The following LTBP1 variants were observed in gnomAD, a reference collection of about 807,000 sequenced individuals.
LTBP1 encodes the protein latent-transforming growth factor beta-binding protein 1.
Under a neutral mutation model 207.6 loss-of-function variants are expected in LTBP1, and 129 were observed. The ratio of observed to expected loss-of-function variants is 0.62; its 90% CI spans 0.54 to 0.72. The LOEUF is 0.72. Among genes scored for constraint, LTBP1 ranks in the 30% least tolerant of loss-of-function variants. The pLI is 0.00. For missense variants in LTBP1, 2,281 were observed against 2,217.2 expected (o/e 1.03, Z -0.58); for synonymous variants, 963 against 833.7 (o/e 1.16, Z -2.67).
intron 2 of LTBP1, among the ~76,000 whole-genome samples, chr2:32,965,474 C>T (rs1341906536): frequency 6.6e-6 from 1 of 152,158 alleles, no homozygotes; most frequent in Admixed American, 6.5e-5. Flanking sequence ...TGTGCCCTGC[C>T]TACTCATCCC....
chr2:33,003,001 C>T (rs963068020), intron 2 of LTBP1, among the ~76,000 whole-genome samples: 25 of 152,236 alleles, frequency 1.6e-4, no homozygotes, highest in Admixed American at 1.1e-3. Context: ...TTGGAAACAT[C>T]GCATTCGATT....
chr2:33,142,080 C>G (rs898838792), intron 5 of LTBP1, among the ~76,000 whole-genome samples: 2 of 152,166 alleles, frequency 1.3e-5, no homozygotes, highest in African/African-American at 4.8e-5. Context: ...TAGACGGAGT[C>G]TAACTCTGTC....
rs938643878 is a variant in LTBP1 at position 33,379,920 on chromosome 2, G to A, written c.4712-9264G>A. 3.9e-5 allele frequency among the ~76,000 whole-genome samples: 6 copies of A among 152,130 alleles called. No individual in the cohort carries two copies. The East Asian group carries it at 7.7e-4, about 20-fold the overall frequency. On this transcript the variant is annotated intron_variant, in intron 31 of 33. Transcript: ENST00000404816. ...TAAGAGAGTTTTAAATATTAGAAGA[G>A]CTTTCTCTGCTATGAAGCTTTAAAA...
chr2:33,074,409 A>T (rs1172730229), intron 3 of LTBP1, among the ~76,000 whole-genome samples: 3 of 133,108 alleles, frequency 2.3e-5, no homozygotes, highest in Admixed American at 1.6e-4. Context: ...TAGGGTAGAG[A>T]TACTGAAAGA....
intron 32 of LTBP1, 28 bp from the exon 33 acceptor site, chr2:33,397,105 A>C (rs752398565): frequency 6.2e-7 from 1 of 1,606,726 alleles, no homozygotes; most frequent in African/African-American, 1.3e-5. Flanking sequence ...GAGAAGCTCT[A>C]ACTTAGCTTC....
At chr2:33,090,288 T>C (rs774142928) in intron 3 of LTBP1, among the ~76,000 whole-genome samples, 1 of 152,244 alleles carries the variant, frequency 6.6e-6, no homozygotes, top group Non-Finnish European at 1.5e-5. Flanking sequence ...TTGGCCCTTT[T>C]TCCTGGACAT....
At chr2:33,389,121 G>T in intron 31 of LTBP1, 63 bp from the exon 32 acceptor site, 1 of 1,608,144 alleles carries the variant, frequency 6.2e-7, no homozygotes, top group South Asian at 1.1e-5. Flanking sequence ...TCTGAGCTGC[G>T]AGGGGGTGGG....
intron 2 of LTBP1, among the ~76,000 whole-genome samples, chr2:32,993,026 A>G (rs1684661166): frequency 1.3e-5 from 2 of 152,090 alleles, no homozygotes; most frequent in Admixed American, 1.3e-4. Flanking sequence ...TGAGTTTGGT[A>G]TCGGGTGCGT....
At chr2:33,331,871 TG>T (rs1343665739) in intron 24 of LTBP1, among the ~76,000 whole-genome samples, 1 of 152,132 alleles carries the variant, frequency 6.6e-6, no homozygotes, top group Non-Finnish European at 1.5e-5. Context: ...TTGAGAGTTT[TG>T]GGTTTTATTT....
At chr2:32,973,571 C>A (rs992721776) in intron 2 of LTBP1, among the ~76,000 whole-genome samples, 1 of 152,048 alleles carries the variant, frequency 6.6e-6, no homozygotes, top group African/African-American at 2.4e-5. Context: ...CTACAAGGAC[C>A]CCCTTATCTG....
chr2:32,959,056 C>G (rs1416118691), intron 2 of LTBP1, among the ~76,000 whole-genome samples: 1 of 152,174 alleles, frequency 6.6e-6, no homozygotes, highest in Non-Finnish European at 1.5e-5. Context: ...CTTTTTTACT[C>G]CACCACATTT....
chr2:33,123,756 C>T (rs183035308), intron 4 of LTBP1, among the ~76,000 whole-genome samples: 11 of 152,272 alleles, frequency 7.2e-5, no homozygotes, highest in African/African-American at 1.7e-4. Flanking sequence ...CCTCCTCCTC[C>T]TCATCTATTT....
At chr2:33,060,524 G>GTGTA (rs1403698543) in intron 3 of LTBP1, among the ~76,000 whole-genome samples, 1 of 151,626 alleles carries the variant, frequency 6.6e-6, no homozygotes, top group East Asian at 1.9e-4. Flanking sequence ...GGGGGTGTGT[G>GTGTA]TGTATGTATG....
intron 18 of LTBP1, among the ~76,000 whole-genome samples, chr2:33,278,087 C>T (rs1473611341): frequency 6.6e-6 from 1 of 151,834 alleles, no homozygotes; most frequent in East Asian, 1.9e-4. Context: ...CAGCCTCAGC[C>T]TCCCAAAGTG....
rs202205685 is a variant in LTBP1, at chr2:32,959,623, T to A, written c.565+10678T>A. On this transcript the variant is annotated intron_variant, in intron 2 of 33. Transcript: ENST00000404816. The stretch of plus-strand genomic sequence containing the variant: ...TATATATATATATATATATATATAT[T>A]TTTTTTTTTTTTTTTGAGATGGAGT... 8.3e-3 allele frequency among the ~76,000 whole-genome samples: 406 copies of A among 48,660 alleles called. 4 individuals carry two copies. Among genetic ancestry groups the A allele is most frequent in the South Asian group, 0.022 (19 of 876 alleles). 31.9% of individuals were successfully genotyped at this position (48,660 alleles called of 152,430 possible).
At chr2:33,270,589 CAAAAAAAAAAA>C (rs397961095) in intron 15 of LTBP1, among the ~76,000 whole-genome samples, 4 of 75,342 alleles carry the variant, frequency 5.3e-5, no homozygotes, top group African/African-American at 2.3e-4. Flanking sequence ...GACTCCGTCT[CAAAAAAAAAAA>C]AAAAAAAAAA....
chr2:33,358,701 A>G (rs924026381), intron 26 of LTBP1, among the ~76,000 whole-genome samples: 1 of 152,182 alleles, frequency 6.6e-6, no homozygotes, highest in Non-Finnish European at 1.5e-5. Context: ...ACTATTATTT[A>G]TTAATAGCTA....
intron 7 of LTBP1, among the ~76,000 whole-genome samples, chr2:33,203,494 C>G (rs1274300042): frequency 6.6e-6 from 1 of 152,194 alleles, no homozygotes; most frequent in East Asian, 1.9e-4. Context: ...GGCCCAGTAT[C>G]TGGTCTTTAC....
intron 7 of LTBP1, among the ~76,000 whole-genome samples, chr2:33,217,253 CTTA>C (rs966131577): frequency 6.6e-6 from 1 of 152,086 alleles, no homozygotes; most frequent in South Asian, 2.1e-4. Context: ...CTATGAGGCT[CTTA>C]TTAAGAAAAA....
Sources: allele counts gnomAD v4.1 joint callset (sites outside exome capture counted in the v4.1 genomes callset), GRCh38; gene constraint gnomAD v4.1.1; transcripts MANE v1.5; gene names NCBI Gene and HGNC (gene_info 2026-07-23, HGNC 2026-07-21).